FGF2: variants seen among roughly 807,000 people sequenced by gnomAD.
FGF2 encodes basic fibroblast growth factor bFGF.
In FGF2, 13 loss-of-function variants were observed where a neutral mutation model predicts 15.9. That is an observed-to-expected ratio of 0.82 (90% CI 0.53 to 1.30). The LOEUF (loss-of-function observed/expected upper bound fraction) is 1.30. Among genes scored for constraint, FGF2 ranks in the 50% most tolerant of loss-of-function variants. FGF2 has a pLI of 0.00. For synonymous variants in FGF2, 90 were observed against 78.4 expected (o/e 1.15, Z -0.78); for missense variants, 163 against 196.9 (o/e 0.83, Z 1.03).
chr4:122,846,869 A>AG (rs1200033550), intron 1 of FGF2, among the ~76,000 whole-genome samples: 1 of 152,236 alleles, frequency 6.6e-6, no homozygotes, highest in Non-Finnish European at 1.5e-5. Flanking sequence ...AGCAGCCAGA[A>AG]GAAGTTCCTG....
chr4:122,832,403 C>G (rs926602037), intron 1 of FGF2, among the ~76,000 whole-genome samples: 4 of 151,876 alleles, frequency 2.6e-5, no homozygotes, highest in African/African-American at 9.7e-5. Flanking sequence ...TGCCACCGCA[C>G]CCAGCTAATT....
At chr4:122,832,215 G>A (rs997511578) in intron 1 of FGF2, among the ~76,000 whole-genome samples, 2 of 152,152 alleles carry the variant, frequency 1.3e-5, no homozygotes, top group Non-Finnish European at 2.9e-5. Flanking sequence ...CTATGACCAT[G>A]AAACGGAGCA....
At chr4:122,878,363 G>A (rs2150785133) in intron 2 of FGF2, among the ~76,000 whole-genome samples, 1 of 152,276 alleles carries the variant, frequency 6.6e-6, no homozygotes, top group Middle Eastern at 3.4e-3. Context: ...AAATTGAGAT[G>A]AAGGTATAGA....
At chr4:122,869,614 C>A (rs548927210) in intron 1 of FGF2, among the ~76,000 whole-genome samples, 20 of 152,266 alleles carry the variant, frequency 1.3e-4, no homozygotes, top group African/African-American at 4.8e-4. Flanking sequence ...AACGGGAGTT[C>A]ATTCATGATT....
At chr4:122,863,778 G>A (rs956826921) in intron 1 of FGF2, among the ~76,000 whole-genome samples, 9 of 152,134 alleles carry the variant, frequency 5.9e-5, no homozygotes, top group African/African-American at 2.2e-4. Flanking sequence ...GTGGGGGCTG[G>A]TGAGGCAAGT....
At chr4:122,875,858 G>T (rs1191300648) in intron 1 of FGF2, among the ~76,000 whole-genome samples, 1 of 152,170 alleles carries the variant, frequency 6.6e-6, no homozygotes, top group Non-Finnish European at 1.5e-5. Context: ...ACTAGATTTT[G>T]TTTCATTTGT....
chr4:122,886,894 T>C (rs909959422), intron 2 of FGF2, among the ~76,000 whole-genome samples: 3 of 152,138 alleles, frequency 2.0e-5, no homozygotes, highest in Non-Finnish European at 2.9e-5. Flanking sequence ...GGTGTGCTTG[T>C]TGCTACTGAA....
rs774476980 is a variant in FGF2, at chr4:122,892,254, C to A, written c.326C>A (p.Ser109Tyr). The A allele has an allele frequency of 1.9e-6, 3 of 1,613,650 alleles. No individual in the cohort carries two copies. The South Asian group carries it at 3.3e-5, about 18-fold the overall frequency. Residue 109 changes from serine (S) to tyrosine (Y), a missense_variant, in exon 3 of 3, where the codon TCT becomes TAT. By Grantham distance (144) the Ser-to-Tyr change is moderately radical (BLOSUM62 -2). Transcript: ENST00000644866. Reference sequence around the variant, plus strand: ...TGTTTCTTTTTTGAACGATTGGAATCTAATAACTACAATACTTACCGGTCA... The same window carrying A: ...TGTTTCTTTTTTGAACGATTGGAATATAATAACTACAATACTTACCGGTCA... ...DECFFFERLE[S>Y]NNYNTYRSRK...
chr4:122,844,590 C>CTTTCTTTCTTTCTTT (rs1560740345), intron 1 of FGF2, among the ~76,000 whole-genome samples: 15 of 107,680 alleles, frequency 1.4e-4, no homozygotes, highest in African/African-American at 5.0e-4. Flanking sequence ...TTTCTTTCTT[C>CTTTCTTTCTTTCTTT]CTTCCTTCCT....
At chr4:122,855,911 T>G (rs1179270537) in intron 1 of FGF2, among the ~76,000 whole-genome samples, 1 of 152,208 alleles carries the variant, frequency 6.6e-6, no homozygotes, top group East Asian at 1.9e-4. Flanking sequence ...TTGAGCTTCA[T>G]CCTTCTTTTC....
chr4:122,876,854 T>C (rs956755200), intron 2 of FGF2, among the ~76,000 whole-genome samples: 1 of 152,226 alleles, frequency 6.6e-6, no homozygotes, highest in East Asian at 1.9e-4. Context: ...TAGTTGAGAA[T>C]GTAAGCTTTC....
intron 2 of FGF2, among the ~76,000 whole-genome samples, chr4:122,887,544 G>C (rs1326135667): frequency 6.6e-6 from 1 of 152,086 alleles, no homozygotes; most frequent in Non-Finnish European, 1.5e-5. Context: ...AAATTCCAAA[G>C]TAAATTAACT....
At chr4:122,830,230 A>C (rs1036047795) in intron 1 of FGF2, among the ~76,000 whole-genome samples, 2 of 152,220 alleles carry the variant, frequency 1.3e-5, no homozygotes, top group Non-Finnish European at 1.5e-5. Flanking sequence ...GCTGGCCAGA[A>C]GGACTGGAGT....
At chr4:122,883,974 ATAAAG>A (rs547289953) in intron 2 of FGF2, among the ~76,000 whole-genome samples, 4 of 152,342 alleles carry the variant, frequency 2.6e-5, no homozygotes, top group Non-Finnish European at 5.9e-5. Flanking sequence ...GAAATCTATA[ATAAAG>A]TAAAGTAGAG....
At chr4:122,879,449 A>G (rs1410788356) in intron 2 of FGF2, among the ~76,000 whole-genome samples, 1 of 152,194 alleles carries the variant, frequency 6.6e-6, no homozygotes, top group Non-Finnish European at 1.5e-5. Flanking sequence ...TCCTGTTATA[A>G]CTAACTATGG....
chr4:122,892,642 G>A lies in FGF2; in HGVS notation c.*246G>A, dbSNP rs1407270116. 1.4e-6 allele frequency: 2 copies of A among 1,415,708 alleles called. No homozygotes were observed. The highest frequency in any genetic ancestry group is 1.8e-6 in the Non-Finnish European group (2 of 1,083,452). 87.7% of individuals were successfully genotyped at this position (1,415,708 alleles called of 1,614,324 possible). A position where few individuals can be genotyped will look rare whatever the true frequency, so the allele number is the denominator to read the frequency against. ...CCCAGTGAAGCTTACCTAGAGCAAT[G>A]ATCTTTTTCACGCATTTGCTTTATT... is the stretch of plus-strand genomic sequence containing the variant. On this transcript the variant is annotated 3_prime_UTR_variant, in exon 3 of 3. Transcript: ENST00000644866.
intron 2 of FGF2, among the ~76,000 whole-genome samples, chr4:122,878,869 C>T (rs923654395): frequency 7.2e-5 from 11 of 151,888 alleles, no homozygotes; most frequent in Admixed American, 5.3e-4. Context: ...AGAAGGTAGA[C>T]GAGAAAGGGG....
chr4:122,872,900 G>A lies in FGF2; in HGVS notation c.179-3421G>A, dbSNP rs370934405. Among the ~76,000 whole-genome samples the A allele has an allele frequency of 2.6e-5, 4 of 152,240 alleles. 1 individual carries two copies. In the South Asian group the frequency reaches 8.3e-4, roughly 32 times the overall value. Reference sequence around the variant, plus strand: ...GCACTCAATATGGAAAGGAAAAACCGGTACCAGTCACTGCAAAAAACACAC... The same window carrying A: ...GCACTCAATATGGAAAGGAAAAACCAGTACCAGTCACTGCAAAAAACACAC... On this transcript the variant is annotated intron_variant, in intron 1 of 2. Coordinates refer to ENST00000644866, the MANE Select transcript of FGF2 (RefSeq NM_001361665.2).
chr4:122,861,742 T>A (rs1165060651), intron 1 of FGF2, among the ~76,000 whole-genome samples: 2 of 152,004 alleles, frequency 1.3e-5, no homozygotes, highest in Non-Finnish European at 2.9e-5. Context: ...TAGTCCCCCA[T>A]ACCCCCTTCC....
Sources: allele counts gnomAD v4.1 joint callset (sites outside exome capture counted in the v4.1 genomes callset), GRCh38; gene constraint gnomAD v4.1.1; transcripts MANE v1.5; gene names NCBI Gene and HGNC (gene_info 2026-07-23, HGNC 2026-07-21).